CAPZB: variants seen among roughly 807,000 people sequenced by gnomAD.
The protein encoded by CAPZB is capping actin protein of muscle Z-line subunit beta, also known as F-actin-capping protein subunit beta.
A neutral mutation model predicts 38.1 loss-of-function variants in CAPZB; 2 were observed. That is an observed-to-expected ratio of 0.05 (90% confidence interval 0.02 to 0.17). The LOEUF (loss-of-function observed/expected upper bound fraction) is 0.17. Among genes scored for constraint, CAPZB ranks in the 10% least tolerant of loss-of-function variants. CAPZB has a pLI of 1.00. For synonymous variants in CAPZB, 107 were observed against 127.4 expected, an observed-to-expected ratio of 0.84 and a Z score of 1.08; for missense variants, 161 against 334.2, an observed-to-expected ratio of 0.48 and a Z score of 4.04.
intron 2 of CAPZB, among the ~76,000 whole-genome samples, chr1:19,404,510 C>T (rs1422669414): frequency 6.7e-6 from 1 of 148,648 alleles, no homozygotes; most frequent in East Asian, 2.0e-4. Context: ...CGCCACTGTA[C>T]TCCAGCCTGG....
At chr1:19,343,888 C>T (rs2093946421) in intron 8 of CAPZB, among the ~76,000 whole-genome samples, 1 of 152,210 alleles carries the variant, frequency 6.6e-6, no homozygotes, top group Admixed American at 6.5e-5. Flanking sequence ...GCCCTGCCTG[C>T]ATGTGGCGTC....
At chr1:19,437,626 C>T (rs929879030) in intron 1 of CAPZB, among the ~76,000 whole-genome samples, 1 of 152,062 alleles carries the variant, frequency 6.6e-6, no homozygotes, top group Admixed American at 6.5e-5. Flanking sequence ...ACCATGGGCA[C>T]GAGACTCATT....
At chr1:19,446,196 A>G (rs569872995) in intron 1 of CAPZB, among the ~76,000 whole-genome samples, 1 of 152,362 alleles carries the variant, frequency 6.6e-6, no homozygotes, top group South Asian at 2.1e-4. Context: ...AAAGGAAAAC[A>G]GCACTGGCCG....
intron 3 of CAPZB, among the ~76,000 whole-genome samples, chr1:19,380,378 C>T (rs2100432880): frequency 6.6e-6 from 1 of 152,332 alleles, no homozygotes; most frequent in African/African-American, 2.4e-5. Flanking sequence ...GTGAGACACC[C>T]CCTGCTGCCC....
intron 1 of CAPZB, among the ~76,000 whole-genome samples, chr1:19,469,944 A>C (rs1483750060): frequency 4.6e-5 from 7 of 152,150 alleles, no homozygotes; most frequent in African/African-American, 1.7e-4. Flanking sequence ...CATCTTCCAA[A>C]CTACAACACC....
At position 19,339,206 on chromosome 1, in the gene CAPZB, A is replaced by G. The variant is rs897070879; in HGVS notation, c.*324T>C. The G allele has an allele frequency of 1.8e-5, 6 of 335,298 alleles. No individual in the cohort carries two copies. The highest frequency in any genetic ancestry group is 5.0e-5 in the South Asian group (1 of 20,044). The allele number at this position is 335,298 out of a possible 1,614,324, so 20.8% of individuals were successfully genotyped here. On this transcript the variant is annotated 3_prime_UTR_variant, in exon 9 of 9. Coordinates refer to ENST00000264202, the MANE Select transcript of CAPZB (RefSeq NM_004930.5). Reference sequence around the variant, plus strand: ...CAATGTACCAAAAAGGTGGGAGGGAAGGGAGGCTGGCAGACAGTGGATTTT... The same window carrying G: ...CAATGTACCAAAAAGGTGGGAGGGAGGGGAGGCTGGCAGACAGTGGATTTT...
intron 1 of CAPZB, among the ~76,000 whole-genome samples, chr1:19,447,839 G>A (rs2094501821): frequency 6.6e-6 from 1 of 152,196 alleles, no homozygotes; most frequent in Non-Finnish European, 1.5e-5. Context: ...CTGATGCACT[G>A]GTACTATCTA....
chr1:19,353,692 T>A (rs1010379289), intron 6 of CAPZB, among the ~76,000 whole-genome samples: 1 of 152,140 alleles, frequency 6.6e-6, no homozygotes, highest in African/African-American at 2.4e-5. Context: ...TCCAATCAGA[T>A]CATTGGACTC....
chr1:19,347,438 A>G (rs1569879430), intron 6 of CAPZB, among the ~76,000 whole-genome samples: 2 of 152,266 alleles, frequency 1.3e-5, no homozygotes, highest in South Asian at 4.1e-4. Context: ...GAAGGGCAGG[A>G]TGGAGCCTCT....
intron 4 of CAPZB, among the ~76,000 whole-genome samples, chr1:19,363,416 G>A (rs2094065229): frequency 1.3e-5 from 2 of 152,030 alleles, no homozygotes; most frequent in Admixed American, 1.3e-4. Flanking sequence ...AAAGCCTAAT[G>A]TGTCAGTAAT....
intron 1 of CAPZB, among the ~76,000 whole-genome samples, chr1:19,451,623 G>C (rs71645451): frequency 0.11 from 16,721 of 152,102 alleles, 1,257 homozygotes; most frequent in Non-Finnish European, 0.16. Context: ...CTGCAGATGG[G>C]AGACAGAGGC....
intron 4 of CAPZB, among the ~76,000 whole-genome samples, chr1:19,374,784 A>C (rs1372027319): frequency 3.3e-5 from 5 of 152,224 alleles, no homozygotes; most frequent in African/African-American, 1.2e-4. Flanking sequence ...GTCTCCTCTC[A>C]GAATGACCCT....
intron 1 of CAPZB, among the ~76,000 whole-genome samples, chr1:19,447,162 C>T (rs1363491562): frequency 6.6e-6 from 1 of 151,640 alleles, no homozygotes; most frequent in Admixed American, 6.6e-5. Context: ...CATCCTTCTG[C>T]AGAGAAGGAT....
chr1:19,478,760 C>T (rs1025270988), intron 1 of CAPZB, among the ~76,000 whole-genome samples: 11 of 152,182 alleles, frequency 7.2e-5, no homozygotes, highest in African/African-American at 2.7e-4. Flanking sequence ...AGTAGACATC[C>T]ACGGAATGAA....
intron 1 of CAPZB, among the ~76,000 whole-genome samples, chr1:19,471,865 CAAAAAAAA>C (rs59289947): frequency 1.5e-5 from 2 of 134,488 alleles, no homozygotes; most frequent in African/African-American, 5.9e-5. Flanking sequence ...GACTCCGTCT[CAAAAAAAA>C]AAAAAAAAAA....
At chr1:19,387,074 C>T (rs913453498) in intron 2 of CAPZB, among the ~76,000 whole-genome samples, 1 of 152,208 alleles carries the variant, frequency 6.6e-6, no homozygotes, top group Admixed American at 6.5e-5. Flanking sequence ...ATGCACCACG[C>T]ACTATGGTAG....
intron 6 of CAPZB, among the ~76,000 whole-genome samples, chr1:19,349,884 G>A (rs1440106833): frequency 1.3e-5 from 2 of 152,238 alleles, no homozygotes; most frequent in Non-Finnish European, 2.9e-5. Flanking sequence ...CTCCACACCT[G>A]GTCAGGGTCG....
chr1:19,422,887 C>G (rs1429043354), intron 1 of CAPZB, among the ~76,000 whole-genome samples: 1 of 152,150 alleles, frequency 6.6e-6, no homozygotes, highest in African/African-American at 2.4e-5. Context: ...AAACGGTGAT[C>G]CAGACAGAAC....
intron 8 of CAPZB, among the ~76,000 whole-genome samples, chr1:19,343,803 A>G (rs1301476248): frequency 2.0e-5 from 3 of 152,202 alleles, no homozygotes; most frequent in African/African-American, 7.2e-5. Flanking sequence ...GGTGCAGGAC[A>G]CTGGCCACTG....
Sources: allele counts gnomAD v4.1 joint callset (sites outside exome capture counted in the v4.1 genomes callset), GRCh38; gene constraint gnomAD v4.1.1; transcripts MANE v1.5; gene names NCBI Gene and HGNC (gene_info 2026-07-23, HGNC 2026-07-21).